MLPH: variants seen among roughly 807,000 people sequenced by gnomAD.
MLPH encodes melanophilin.
A neutral mutation model predicts 72.1 loss-of-function variants in MLPH; 51 were observed. The observed-to-expected ratio is 0.71, with a 90% CI of 0.56 to 0.89. The LOEUF (loss-of-function observed/expected upper bound fraction) is 0.89. Ranked by LOEUF, MLPH falls within the 40% of genes least tolerant of loss-of-function variation. MLPH has a pLI of 0.00. For missense variants in MLPH, 743 were observed against 759.9 expected (o/e 0.98, Z 0.26); for synonymous variants, 301 against 310.1 (o/e 0.97, Z 0.31).
chr2:237,487,505 G>C (rs978121189), intron 1 of MLPH, 68 bp downstream of exon 1: 2 of 153,200 alleles, frequency 1.3e-5, no homozygotes, highest in South Asian at 2.1e-4. Flanking sequence ...TTAGGCTTTG[G>C]GGGGTGCGCG....
intron 2 of MLPH, among the ~76,000 whole-genome samples, chr2:237,506,956 G>C (rs1392435541): frequency 6.6e-6 from 1 of 151,986 alleles, no homozygotes; most frequent in African/African-American, 2.4e-5. Flanking sequence ...TTGAAAAAAG[G>C]AGTACTTGAA....
intron 1 of MLPH, among the ~76,000 whole-genome samples, chr2:237,491,653 C>T (rs1437371242): frequency 2.6e-5 from 4 of 152,184 alleles, no homozygotes; most frequent in South Asian, 2.1e-4. Context: ...CAGGGAAGTC[C>T]TCTGTGGGGA....
chr2:237,532,963 G>A (rs1036121939), intron 8 of MLPH, among the ~76,000 whole-genome samples: 6 of 152,150 alleles, frequency 3.9e-5, no homozygotes, highest in Admixed American at 2.0e-4. Context: ...TCTGCAGCCC[G>A]GCAGGCCCGG....
At position 237,516,942 on chromosome 2, in the gene MLPH, T is replaced by TGG. The variant is rs1559350576; in HGVS notation, c.446-1597_446-1596insGG. Among the ~76,000 whole-genome samples the TGG allele has an allele frequency of 2.8e-3, 347 of 123,884 alleles. 6 individuals are homozygous for TGG. The highest frequency in any genetic ancestry group is 9.4e-3 in the African/African-American group (319 of 34,102). The allele number at this position is 123,884 out of a possible 152,430, so 81.3% of individuals were successfully genotyped here. ...ATGGATGGATGGATGGATGGATGGA[T>TGG]AGGTGGATAGGTGGATAGATAGGTG... On this transcript the variant is annotated intron_variant, in intron 4 of 15. Coordinates refer to ENST00000264605, the MANE Select transcript of MLPH (RefSeq NM_024101.7).
rs1023776240 is a variant in MLPH, at chr2:237,493,153, C to T, written c.-24-250C>T. The stretch of plus-strand genomic sequence containing the variant: ...CACAGTGGAAAGAAAATGAGAGACC[C>T]GTGGCTGAGTGTGTTTGGGAGAGTA... On this transcript the variant is annotated intron_variant, in intron 1 of 15. Coordinates refer to ENST00000264605, the MANE Select transcript of MLPH (RefSeq NM_024101.7). 3.3e-5 allele frequency among the ~76,000 whole-genome samples: 5 copies of T among 152,114 alleles called. No homozygotes were observed. The South Asian group carries it at 6.2e-4, about 19-fold the overall frequency.
chr2:237,492,228 T>C (rs760478790), intron 1 of MLPH, among the ~76,000 whole-genome samples: 1 of 152,036 alleles, frequency 6.6e-6, no homozygotes, highest in Non-Finnish European at 1.5e-5. Context: ...TCAGGTCTGA[T>C]GAACTTCAAA....
chr2:237,501,581 C>T (rs2079647710), intron 2 of MLPH, among the ~76,000 whole-genome samples: 1 of 148,146 alleles, frequency 6.8e-6, no homozygotes, highest in Admixed American at 6.8e-5. Context: ...AATCCCAGCA[C>T]TTTGAGAGGC....
intron 4 of MLPH, among the ~76,000 whole-genome samples, chr2:237,514,963 C>A (rs1385768191): frequency 6.6e-6 from 1 of 152,208 alleles, no homozygotes; most frequent in Non-Finnish European, 1.5e-5. Context: ...GCAGTAACAG[C>A]GTGTGCTTGT....
intron 2 of MLPH, among the ~76,000 whole-genome samples, chr2:237,497,641 G>T (rs1271310103): frequency 1.3e-5 from 2 of 152,214 alleles, no homozygotes; most frequent in Non-Finnish European, 2.9e-5. Flanking sequence ...CACCAAAATT[G>T]GTTCTGCAGA....
intron 12 of MLPH, 143 bp from the exon 13 acceptor site, chr2:237,546,463 A>G: frequency 1.4e-6 from 1 of 735,586 alleles, no homozygotes; most frequent in East Asian, 2.7e-5. Flanking sequence ...GGAGCGGCAT[A>G]CTGGGGGTGG....
chr2:237,524,321 A>ATATATATATATATATATATATATATAG (rs1559357447), intron 6 of MLPH, among the ~76,000 whole-genome samples: 1 of 146,180 alleles, frequency 6.8e-6, no homozygotes, highest in African/African-American at 2.7e-5. Flanking sequence ...ATATATATAT[A>ATATATATATATATATATATATATATAG]AAGGGGAGTT....
Position 237,540,544 on chromosome 2 carries a change from C to A in MLPH, c.1290+11C>A, listed in dbSNP as rs1258479293. ...CAGGCGGACCCGGAGGTAAGACTAT[C>A]CCCCAGAGGTCTCAGCAGGACCCTG... On this transcript the variant is annotated intron_variant, in intron 10 of 15. Coordinates refer to ENST00000264605, the MANE Select transcript of MLPH (RefSeq NM_024101.7). The A allele has an allele frequency of 1.2e-6, 2 of 1,607,786 alleles. No individual in the cohort carries two copies. Among genetic ancestry groups the A allele is most frequent in the Admixed American group, 1.7e-5 (1 of 59,582 alleles).
chr2:237,508,041 G>A (rs765656667), intron 2 of MLPH, among the ~76,000 whole-genome samples: 12 of 152,052 alleles, frequency 7.9e-5, no homozygotes, highest in Non-Finnish European at 1.3e-4. Flanking sequence ...TGGGGGCCAC[G>A]GTTCAAAAAG....
At position 237,505,464 on chromosome 2, in the gene MLPH, C is replaced by T. The variant is rs966479102; in HGVS notation, c.111-5110C>T. ...ACGCAAGTGGAGGCCCACAGGACCC[C>T]TCATGCAGGCTCTTCCCCCGCCTGT... On this transcript the variant is annotated intron_variant, in intron 2 of 15. Coordinates refer to ENST00000264605, the MANE Select transcript of MLPH (RefSeq NM_024101.7). The surrounding 1 kb of genome is among the most constrained non-coding windows in gnomAD (Gnocchi z 4.5). Among the ~76,000 whole-genome samples the T allele has an allele frequency of 6.6e-6, 1 of 152,210 alleles. No homozygotes were observed. The highest frequency in any genetic ancestry group is 1.5e-5 in the Non-Finnish European group (1 of 68,040).
intron 2 of MLPH, among the ~76,000 whole-genome samples, chr2:237,509,393 G>T (rs550876323): frequency 1.1e-4 from 17 of 152,274 alleles, no homozygotes; most frequent in African/African-American, 3.9e-4. Flanking sequence ...AGAAGAAGAG[G>T]TTCTCCCTGG....
At chr2:237,486,752 C>T (rs1237347949), upstream of MLPH, 1 of 152,274 alleles carries the variant, frequency 6.6e-6, no homozygotes, top group Non-Finnish European at 1.5e-5. Context: ...AGGGTACGCT[C>T]TCTGCAGCAG....
chr2:237,528,359 A>G (rs978223689), intron 8 of MLPH, among the ~76,000 whole-genome samples: 6 of 150,498 alleles, frequency 4.0e-5, no homozygotes, highest in Admixed American at 4.0e-4. Flanking sequence ...TTTTTTTTTA[A>G]TTTTTTTTTG....
intron 9 of MLPH, among the ~76,000 whole-genome samples, chr2:237,539,160 G>C (rs1487524622): frequency 6.6e-6 from 1 of 152,180 alleles, no homozygotes; most frequent in Non-Finnish European, 1.5e-5. Context: ...GGGGAGGCTT[G>C]AGCAGAAGAC....
In MLPH at chr2:237,549,213, T is replaced by C; in HGVS notation, c.1618-8T>C. On this transcript the variant is annotated splice_polypyrimidine_tract_variant and splice_region_variant and intron_variant, in intron 13 of 15. Coordinates refer to ENST00000264605, the MANE Select transcript of MLPH (RefSeq NM_024101.7). ...TGATGAAGCCTGGAGACACTCTGTT[T>C]CTTCTAGGCAATGGCTGTGCCCTAT... is the stretch of plus-strand genomic sequence containing the variant. 6.2e-7 allele frequency: 1 copy of C among 1,613,628 alleles called. No homozygotes were observed. The highest frequency in any genetic ancestry group is 8.5e-7 in the Non-Finnish European group (1 of 1,179,522).
Sources: gnomAD v4.1 joint callset for allele counts (sites outside exome capture counted in the v4.1 genomes callset) on GRCh38, gnomAD v4.1.1 for gene constraint, Gnocchi (gnomAD v3.1) non-coding constraint, MANE v1.5 for transcripts, NCBI Gene and HGNC (gene_info 2026-07-23, HGNC 2026-07-21) for gene names.